KCTD1: variants seen among roughly 807,000 people sequenced by gnomAD.
KCTD1 encodes the protein BTB/POZ domain-containing protein KCTD1.
In KCTD1, 24 loss-of-function variants were observed where a neutral mutation model predicts 66.0. That is an observed-to-expected ratio of 0.36 (90% CI 0.26 to 0.51). The LOEUF (loss-of-function observed/expected upper bound fraction) is 0.51. KCTD1 is among the 20% of genes least tolerant of loss of function. The pLI, the probability that KCTD1 is intolerant of heterozygous loss-of-function variation, is 0.95. For synonymous variants in KCTD1, 511 were observed against 517.2 expected (o/e 0.99, Z 0.16); for missense variants, 943 against 1,205.2 (o/e 0.78, Z 3.22).
At chr18:26,650,415 G>A (rs552785806) in intron 1 of KCTD1, among the ~76,000 whole-genome samples, 1 of 152,334 alleles carries the variant, frequency 6.6e-6, no homozygotes, top group Non-Finnish European at 1.5e-5. Flanking sequence ...CACAGTCCCT[G>A]CTCTTAACAA....
intron 1 of KCTD1, among the ~76,000 whole-genome samples, chr18:26,537,623 T>C (rs951708444): frequency 6.6e-6 from 1 of 152,224 alleles, no homozygotes; most frequent in African/African-American, 2.4e-5. Flanking sequence ...AAGTCAAGTA[T>C]TAGAAAATTG....
intron 1 of KCTD1, among the ~76,000 whole-genome samples, chr18:26,537,206 CT>C (rs966530483): frequency 1.3e-5 from 2 of 151,904 alleles, no homozygotes; most frequent in African/African-American, 2.4e-5. Flanking sequence ...CAGCAAGTCT[CT>C]TTTTTTTCTG....
chr18:26,605,020 C>T (rs1249841762), intron 1 of KCTD1, among the ~76,000 whole-genome samples: 1 of 152,186 alleles, frequency 6.6e-6, no homozygotes, highest in African/African-American at 2.4e-5. Flanking sequence ...AGAGTATAGC[C>T]TTTATCCTCC....
chr18:26,545,091 GTCACAATTCTATA>G (rs1985148373), intron 1 of KCTD1: 1 of 152,044 alleles, frequency 6.6e-6, no homozygotes. Flanking sequence ...GGTTCTTTAC[GTCACAATTCTATA>G]TTACACTGGT....
intron 1 of KCTD1, among the ~76,000 whole-genome samples, chr18:26,512,859 T>C (rs1983409179): frequency 6.6e-6 from 1 of 152,000 alleles, no homozygotes; most frequent in East Asian, 1.9e-4. Flanking sequence ...TGCATGCCTG[T>C]AGTCCCAGCT....
intron 1 of KCTD1, among the ~76,000 whole-genome samples, chr18:26,507,018 T>C (rs1983075012): frequency 6.6e-6 from 1 of 151,888 alleles, no homozygotes; most frequent in Non-Finnish European, 1.5e-5. Context: ...ATACAAAAAT[T>C]AGCCAGGTGT....
At chr18:26,484,460 C>T (rs189176187) in intron 2 of KCTD1, among the ~76,000 whole-genome samples, 49 of 152,138 alleles carry the variant, frequency 3.2e-4, no homozygotes, top group East Asian at 5.8e-4. Flanking sequence ...GTCAGGAACT[C>T]GGCGTTTTGT....
intron 1 of KCTD1, among the ~76,000 whole-genome samples, chr18:26,582,680 C>G (rs1986382128): frequency 6.6e-6 from 1 of 152,170 alleles, no homozygotes; most frequent in African/African-American, 2.4e-5. Context: ...TAACGTGCAG[C>G]CTGCAAGATA....
chr18:26,573,425 A>G (rs923964995), intron 1 of KCTD1, among the ~76,000 whole-genome samples: 1 of 152,234 alleles, frequency 6.6e-6, no homozygotes, highest in Non-Finnish European at 1.5e-5. Flanking sequence ...CATGTATTTT[A>G]CCACAATTAA....
chr18:26,656,999 C>G (rs1481518246), intron 1 of KCTD1, among the ~76,000 whole-genome samples: 1 of 149,104 alleles, frequency 6.7e-6, no homozygotes, highest in African/African-American at 2.4e-5. Context: ...CTCCCAGAGC[C>G]ACGGCGGCTC....
intron 1 of KCTD1, among the ~76,000 whole-genome samples, chr18:26,615,579 C>G (rs899517391): frequency 6.6e-6 from 1 of 152,146 alleles, no homozygotes; most frequent in Non-Finnish European, 1.5e-5. Flanking sequence ...TTTGGGTGGT[C>G]TCCTCCAGCC....
intron 3 of KCTD1, among the ~76,000 whole-genome samples, chr18:26,464,123 G>A (rs1037852324): frequency 1.3e-5 from 2 of 152,214 alleles, no homozygotes; most frequent in Admixed American, 1.3e-4. Context: ...CACAAATTTG[G>A]TGGCTTAAGA....
chr18:26,496,151 C>A (rs1221896673), intron 2 of KCTD1, among the ~76,000 whole-genome samples: 2 of 151,898 alleles, frequency 1.3e-5, no homozygotes, highest in African/African-American at 4.8e-5. Flanking sequence ...ATAAAGGGTG[C>A]CTTGGATTTT....
At chr18:26,604,376 A>G (rs1986965475) in intron 1 of KCTD1, among the ~76,000 whole-genome samples, 1 of 152,226 alleles carries the variant, frequency 6.6e-6, no homozygotes, top group Admixed American at 6.5e-5. Context: ...CTAAAAGCAG[A>G]ACTACCATTT....
At chr18:26,522,389 A>G (rs920340956) in intron 1 of KCTD1, among the ~76,000 whole-genome samples, 5 of 152,208 alleles carry the variant, frequency 3.3e-5, no homozygotes, top group African/African-American at 9.6e-5. Flanking sequence ...ACGAGCAGCT[A>G]GGAAGAATCA....
intron 1 of KCTD1, among the ~76,000 whole-genome samples, chr18:26,557,055 A>C (rs909297408): frequency 6.6e-6 from 1 of 152,192 alleles, no homozygotes; most frequent in African/African-American, 2.4e-5. Context: ...CCCTGACTCC[A>C]GGGAGGGGCA....
At chr18:26,534,354 C>T (rs1260063372) in intron 1 of KCTD1, among the ~76,000 whole-genome samples, 2 of 152,044 alleles carry the variant, frequency 1.3e-5, no homozygotes, top group Admixed American at 6.5e-5. Flanking sequence ...TAATATCCAT[C>T]TTTCTCTAAA....
chr18:26,569,815 G>C (rs948112790), intron 1 of KCTD1, among the ~76,000 whole-genome samples: 1 of 152,158 alleles, frequency 6.6e-6, no homozygotes, highest in Non-Finnish European at 1.5e-5. Flanking sequence ...AGCTTATAAA[G>C]CTATTCACTC....
chr18:26,631,537 T>C (rs1280345252), upstream of KCTD1, among the ~76,000 whole-genome samples: 2 of 152,184 alleles, frequency 1.3e-5, no homozygotes, highest in East Asian at 3.9e-4. Flanking sequence ...TGGTCTGTCA[T>C]TGACTGAAGC....
Sources: gnomAD v4.1 joint callset for allele counts (sites outside exome capture counted in the v4.1 genomes callset) on GRCh38, gnomAD v4.1.1 for gene constraint, MANE v1.5 for transcripts, NCBI Gene and HGNC (gene_info 2026-07-23, HGNC 2026-07-21) for gene names.